Variants in RUNX1 observed in about 807,000 individuals in gnomAD.
RUNX1 encodes RUNX family transcription factor 1.
RUNX1 carries 19 observed loss-of-function variants against 42.8 expected under a neutral mutation model. That is an observed-to-expected ratio of 0.44 (90% CI 0.31 to 0.65). RUNX1 has a LOEUF of 0.65. Among genes scored for constraint, RUNX1 ranks in the 30% least tolerant of loss-of-function variants. The pLI is 0.07. For missense variants in RUNX1, 528 were observed against 672.0 expected (o/e 0.79, Z 2.37); for synonymous variants, 271 against 289.4 (o/e 0.94, Z 0.64).
intron 2 of RUNX1, among the ~76,000 whole-genome samples, chr21:35,047,561 A>ACTCTCTCTCTCT (rs55862184): frequency 2.3e-4 from 11 of 46,816 alleles, no homozygotes; most frequent in African/African-American, 3.4e-4. Flanking sequence ...ACACACACAC[A>ACTCTCTCTCTCT]CTCTCTCTCT....
chr21:34,905,527 A>T (rs1298888642), intron 2 of RUNX1, among the ~76,000 whole-genome samples: 1 of 152,246 alleles, frequency 6.6e-6, no homozygotes, highest in Non-Finnish European at 1.5e-5. Flanking sequence ...TCCCCAAAAG[A>T]CATTCCTTTA....
chr21:35,046,305 C>T (rs2059395550), intron 2 of RUNX1, among the ~76,000 whole-genome samples: 1 of 152,190 alleles, frequency 6.6e-6, no homozygotes, highest in African/African-American at 2.4e-5. Flanking sequence ...TGCTTGGCTT[C>T]ACTCCTCTCT....
At position 34,792,240 on chromosome 21, in the gene RUNX1, G is replaced by T. The variant is rs769628054; in HGVS notation, c.1338C>A (p.Leu446=). The T allele has an allele frequency of 1.3e-6, 2 of 1,539,882 alleles. No homozygotes were observed. The highest frequency in any genetic ancestry group is 1.7e-6 in the Non-Finnish European group (2 of 1,148,246). ...CCTCCACCACGTCGCTCTGGTTCGG[G>T]AGGCTGGGGTTGAGCAGCGCGGAGC... ...STGSALLNPS[L]PNQSDVVEAE... is the part of the protein sequence containing the mutation. The change falls in exon 9 of 9, where the codon CTC becomes CTA. Residue 446 remains leucine (L), a synonymous_variant. Coordinates refer to ENST00000675419, the MANE Select transcript of RUNX1 (RefSeq NM_001754.5). This position sits in a 1 kb window ranked among gnomAD's most constrained non-coding sequence, Gnocchi z 6.9.
intron 2 of RUNX1, among the ~76,000 whole-genome samples, chr21:34,949,618 TA>T (rs1018976794): frequency 6.6e-6 from 1 of 152,100 alleles, no homozygotes; most frequent in African/African-American, 2.4e-5. Flanking sequence ...TAATTAAGAG[TA>T]AAACCACGAA....
chr21:34,956,669 C>CT (rs1398112236), intron 2 of RUNX1, among the ~76,000 whole-genome samples: 4 of 152,176 alleles, frequency 2.6e-5, no homozygotes, highest in Non-Finnish European at 5.9e-5. Flanking sequence ...GAATGGGTGA[C>CT]TAGCTCACTC....
chr21:34,876,850 A>T (rs1417876223), intron 5 of RUNX1, among the ~76,000 whole-genome samples: 1 of 140,232 alleles, frequency 7.1e-6, no homozygotes, highest in Non-Finnish European at 1.6e-5. Context: ...CATTGCTAAA[A>T]TTTCTTTTTC....
chr21:35,037,924 C>CTTTTTTTT (rs35525288), intron 2 of RUNX1, among the ~76,000 whole-genome samples: 1 of 146,484 alleles, frequency 6.8e-6, no homozygotes. Context: ...GCAGACATTT[C>CTTTTTTTT]TTTTTTTTTT....
At chr21:34,889,072 G>A (rs1350934429) in intron 3 of RUNX1, among the ~76,000 whole-genome samples, 1 of 151,448 alleles carries the variant, frequency 6.6e-6, no homozygotes, top group East Asian at 1.9e-4. Flanking sequence ...GGAGGACCCG[G>A]CCGGCGCGCC....
At position 34,857,042 on chromosome 21, in the gene RUNX1, T is replaced by C. The variant is rs2057503788; in HGVS notation, c.613+2432A>G. Among the ~76,000 whole-genome samples the C allele has an allele frequency of 2.0e-5, 3 of 152,208 alleles. No individual in the cohort carries two copies. In the South Asian group the frequency reaches 6.2e-4, roughly 31 times the overall value. Reference sequence around the variant, plus strand: ...AATAGAAAAGTCAGCATTACCCAAGTCAACCTGGGAGTCTGCATGCACTTG... The same window carrying C: ...AATAGAAAAGTCAGCATTACCCAAGCCAACCTGGGAGTCTGCATGCACTTG... On this transcript the variant is annotated intron_variant, in intron 6 of 8. Transcript: ENST00000675419.
At chr21:34,813,050 C>G (rs542302168) in intron 7 of RUNX1, among the ~76,000 whole-genome samples, 3 of 152,264 alleles carry the variant, frequency 2.0e-5, no homozygotes, top group Admixed American at 2.0e-4. Flanking sequence ...ACTAGAAGAT[C>G]CTTGTGAATT....
chr21:34,978,084 C>G lies in RUNX1; in HGVS notation c.58+70758G>C, dbSNP rs568624746. ...TCCAGGGCAGCTGGGACTACAGTCA[C>G]GTGCCACCATGCCCGGCTAATTTTT... On this transcript the variant is annotated intron_variant, in intron 2 of 8. Coordinates refer to ENST00000675419, the MANE Select transcript of RUNX1 (RefSeq NM_001754.5). 2.6e-5 allele frequency among the ~76,000 whole-genome samples: 4 copies of G among 152,262 alleles called. No individual in the cohort carries two copies. The South Asian group carries it at 8.3e-4, about 32-fold the overall frequency.
chr21:34,923,392 A>T (rs2058369072), intron 2 of RUNX1, among the ~76,000 whole-genome samples: 1 of 152,190 alleles, frequency 6.6e-6, no homozygotes, highest in Non-Finnish European at 1.5e-5. Context: ...CTGAATAGTG[A>T]TGAGACCGGC....
intron 2 of RUNX1, among the ~76,000 whole-genome samples, chr21:34,927,986 T>C (rs2058408702): frequency 6.6e-6 from 1 of 152,190 alleles, no homozygotes; most frequent in African/African-American, 2.4e-5. Context: ...TCAGAATCCT[T>C]GAGGGGTAGG....
chr21:35,034,652 G>A (rs950507963), intron 2 of RUNX1, among the ~76,000 whole-genome samples: 2 of 152,200 alleles, frequency 1.3e-5, no homozygotes, highest in African/African-American at 4.8e-5. Context: ...TGTGGGCCAG[G>A]GATGCTGCTT....
At chr21:34,995,637 C>T (rs755711321) in intron 2 of RUNX1, among the ~76,000 whole-genome samples, 1 of 151,958 alleles carries the variant, frequency 6.6e-6, no homozygotes, top group Non-Finnish European at 1.5e-5. Context: ...GACAGGGTTT[C>T]GCCATGTTGC....
intron 2 of RUNX1, among the ~76,000 whole-genome samples, chr21:35,040,788 A>C (rs1206539399): frequency 6.6e-6 from 1 of 151,232 alleles, no homozygotes; most frequent in Non-Finnish European, 1.5e-5. Context: ...AAAAAAAAAA[A>C]AAAAAACCAA....
At chr21:34,866,101 C>T (rs767885365) in intron 5 of RUNX1, among the ~76,000 whole-genome samples, 2 of 152,162 alleles carry the variant, frequency 1.3e-5, no homozygotes, top group Non-Finnish European at 2.9e-5. Flanking sequence ...CATGAGTCAT[C>T]TTCTTCTTTT....
At chr21:34,851,448 G>A (rs1206400420) in intron 6 of RUNX1, among the ~76,000 whole-genome samples, 2 of 152,204 alleles carry the variant, frequency 1.3e-5, no homozygotes, top group East Asian at 1.9e-4. Context: ...AAATGAAGAC[G>A]AAAGTATTTA....
intron 2 of RUNX1, among the ~76,000 whole-genome samples, chr21:34,900,977 C>G (rs2058172730): frequency 6.6e-6 from 1 of 152,140 alleles, no homozygotes; most frequent in Non-Finnish European, 1.5e-5. Context: ...TTTCAAAAAG[C>G]CATCAATGTT....
Sources: allele counts gnomAD v4.1 joint callset (sites outside exome capture counted in the v4.1 genomes callset), GRCh38; gene constraint gnomAD v4.1.1; non-coding constraint Gnocchi (gnomAD v3.1); transcripts MANE v1.5; gene names NCBI Gene and HGNC (gene_info 2026-07-23, HGNC 2026-07-21).